The following PPP2R2D variants were observed in gnomAD, a reference collection of about 807,000 sequenced individuals.
PPP2R2D encodes the protein serine/threonine-protein phosphatase 2A 55 kDa regulatory subunit B delta isoform.
A neutral mutation model predicts 31.1 loss-of-function variants in PPP2R2D; 9 were observed. The observed-to-expected ratio is 0.29, with a 90% CI of 0.17 to 0.51. The LOEUF is 0.51. Ranked by LOEUF, PPP2R2D falls within the 20% of genes least tolerant of loss-of-function variation. The probability of loss-of-function intolerance (pLI) is 0.98; values close to 1 mark genes in which losing one functional copy is unlikely to be tolerated. For missense variants in PPP2R2D, 391 were observed against 465.6 expected, an observed-to-expected ratio of 0.84 and a Z score of 1.48; for synonymous variants, 179 against 172.6, an observed-to-expected ratio of 1.04 and a Z score of -0.29.
At chr10:131,951,187 G>T (rs1475836489) in intron 8 of PPP2R2D, among the ~76,000 whole-genome samples, 7 of 152,272 alleles carry the variant, frequency 4.6e-5, no homozygotes, top group African/African-American at 4.8e-5. Flanking sequence ...GGGGGAGAGG[G>T]TGGAGACCAG....
intron 8 of PPP2R2D, among the ~76,000 whole-genome samples, chr10:131,954,649 C>T (rs1378126724): frequency 6.6e-6 from 1 of 150,506 alleles, no homozygotes; most frequent in Admixed American, 6.6e-5. Flanking sequence ...TTTTTTTTCC[C>T]CTGCTTTGAA....
intron 2 of PPP2R2D, among the ~76,000 whole-genome samples, chr10:131,921,946 A>C (rs939318736): frequency 6.6e-6 from 1 of 152,228 alleles, no homozygotes; most frequent in Non-Finnish European, 1.5e-5. Flanking sequence ...TAATATATTC[A>C]GTCAGACAGC....
At chr10:131,970,682 G>T in the PPP2R2D span, 1 of 1,614,172 alleles carries the variant, frequency 6.2e-7, no homozygotes, top group Non-Finnish European at 8.5e-7. The surrounding 1 kb of genome is among the most constrained non-coding windows in gnomAD (Gnocchi z 4.1). Context: ...GAGATGGAAG[G>T]AAAACTTTCA....
At position 131,901,020 on chromosome 10, in the gene PPP2R2D, C is replaced by CCGGCGGCGGCGGCGGCGGCGG. The variant is rs1229531944; in HGVS notation, c.-123_-103dup. Reference sequence around the variant, plus strand: ...TTTGAAAAGGGAAAAAAATCCCTCCCCGGCGGCGGCGGCGGCGGCGGCGGC... The same window carrying CCGGCGGCGGCGGCGGCGGCGG: ...TTTGAAAAGGGAAAAAAATCCCTCCCCGGCGGCGGCGGCGGCGGCGGCGGCGGCGGCGGCGGCGGCGGCGGC... On this transcript the variant is annotated 5_prime_UTR_variant, in exon 1 of 9. Coordinates refer to ENST00000455566, the MANE Select transcript of PPP2R2D (RefSeq NM_018461.5). 2.9e-3 allele frequency: 444 copies of CCGGCGGCGGCGGCGGCGGCGG among 154,104 alleles called. 3 individuals carry two copies. Among genetic ancestry groups the CCGGCGGCGGCGGCGGCGGCGG allele is most frequent in the East Asian group, 0.018 (90 of 4,946 alleles). 9.5% of individuals were successfully genotyped at this position (154,104 alleles called of 1,614,324 possible). A position where few individuals can be genotyped will look rare whatever the true frequency, so the allele number is the denominator to read the frequency against.
intron 2 of PPP2R2D, among the ~76,000 whole-genome samples, chr10:131,917,782 G>T (rs576861368): frequency 7.6e-6 from 1 of 130,824 alleles, no homozygotes; most frequent in East Asian, 3.0e-4. Flanking sequence ...ATGACACAGT[G>T]TAGGGACCTC....
chr10:131,913,201 T>G (rs2035712934), intron 2 of PPP2R2D, among the ~76,000 whole-genome samples: 1 of 151,030 alleles, frequency 6.6e-6, no homozygotes, highest in African/African-American at 2.4e-5. Flanking sequence ...TTTTTTTTTT[T>G]TGTATTTTTA....
chr10:131,943,257 T>C (rs1281689707), intron 5 of PPP2R2D, among the ~76,000 whole-genome samples: 1 of 152,134 alleles, frequency 6.6e-6, no homozygotes, highest in East Asian at 1.9e-4. Flanking sequence ...TGGGCTTCCC[T>C]AGGAAGCCTC....
In PPP2R2D at chr10:131,947,390, T is replaced by C; in HGVS notation, c.821-140T>C. 2.4e-6 allele frequency: 2 copies of C among 839,952 alleles called. No individual in the cohort carries two copies. The allele number at this position is 839,952 out of a possible 1,614,324, so 52.0% of individuals were successfully genotyped here. A position where few individuals can be genotyped will look rare whatever the true frequency, so the allele number is the denominator to read the frequency against. On this transcript the variant is annotated intron_variant, in intron 7 of 8. Coordinates refer to ENST00000455566, the MANE Select transcript of PPP2R2D (RefSeq NM_018461.5). The surrounding 1 kb of genome is among the most constrained non-coding windows in gnomAD (Gnocchi z 4.3). ...ACAGAAGATCAGAAAACCTAGAGAA[T>C]CAGAAAGATCAGAAGACCTAGTGTT...
At chr10:131,951,563 C>T (rs782334098) in intron 8 of PPP2R2D, among the ~76,000 whole-genome samples, 6 of 152,206 alleles carry the variant, frequency 3.9e-5, no homozygotes, top group Non-Finnish European at 8.8e-5. Context: ...TGGCTCACAC[C>T]TGTAATCCCA....
chr10:131,951,478 G>A (rs1457129859), intron 8 of PPP2R2D, among the ~76,000 whole-genome samples: 1 of 152,228 alleles, frequency 6.6e-6, no homozygotes, highest in African/African-American at 2.4e-5. Flanking sequence ...TGCGTACGGT[G>A]CAATGACATA....
intron 6 of PPP2R2D, 131 bp downstream of exon 6, chr10:131,944,276 A>T (rs1343256927): frequency 2.8e-6 from 2 of 711,470 alleles, no homozygotes; most frequent in Non-Finnish European, 4.5e-6. Flanking sequence ...GCAGCCTGTG[A>T]TGTAAGTTCT....
intron 2 of PPP2R2D, among the ~76,000 whole-genome samples, chr10:131,911,053 C>T (rs1462724925): frequency 6.6e-6 from 1 of 152,208 alleles, no homozygotes; most frequent in Non-Finnish European, 1.5e-5. Context: ...AAGTGTTTCC[C>T]TGAGATCTGC....
chr10:131,938,869 G>A (rs996771063), intron 3 of PPP2R2D, among the ~76,000 whole-genome samples: 5 of 152,188 alleles, frequency 3.3e-5, no homozygotes, highest in Admixed American at 6.5e-5. Context: ...GCTGTGTCAC[G>A]CTCCTCAGGC....
At chr10:131,927,717 G>A (rs1227108015) in intron 2 of PPP2R2D, among the ~76,000 whole-genome samples, 1 of 152,168 alleles carries the variant, frequency 6.6e-6, no homozygotes, top group Non-Finnish European at 1.5e-5. Flanking sequence ...TGGTATAAGT[G>A]GAATTGCACC....
intron 8 of PPP2R2D, among the ~76,000 whole-genome samples, chr10:131,953,951 A>C (rs9314879): frequency 0.69 from 105,221 of 152,064 alleles, 37,081 homozygotes; most frequent in African/African-American, 0.84. Context: ...AAAACACGCC[A>C]GTCTTCCTAC....
At chr10:131,934,121 T>A (rs566589625) in intron 2 of PPP2R2D, among the ~76,000 whole-genome samples, 4 of 152,300 alleles carry the variant, frequency 2.6e-5, no homozygotes, top group Admixed American at 2.6e-4. Context: ...AGGACCCATT[T>A]TTTTCCTCTA....
At chr10:131,962,487 T>C (rs2036938591), downstream of PPP2R2D, among the ~76,000 whole-genome samples, 1 of 152,242 alleles carries the variant, frequency 6.6e-6, no homozygotes, top group Non-Finnish European at 1.5e-5. Flanking sequence ...CTGATAGTAA[T>C]AGTTTTCGAT....
chr10:131,944,892 A>G (rs1208395135), intron 6 of PPP2R2D, among the ~76,000 whole-genome samples: 1 of 152,124 alleles, frequency 6.6e-6, no homozygotes, highest in African/African-American at 2.4e-5. Context: ...GAAGAGCAGC[A>G]TCTTTTGGAA....
chr10:131,926,098 T>C (rs529477003), intron 2 of PPP2R2D, among the ~76,000 whole-genome samples: 1 of 152,344 alleles, frequency 6.6e-6, no homozygotes, highest in African/African-American at 2.4e-5. Flanking sequence ...CCTTTCCCTG[T>C]TTGCCTGTGT....
Sources: gnomAD v4.1 joint callset for allele counts (sites outside exome capture counted in the v4.1 genomes callset) on GRCh38, gnomAD v4.1.1 for gene constraint, Gnocchi (gnomAD v3.1) non-coding constraint, MANE v1.5 for transcripts, NCBI Gene and HGNC (gene_info 2026-07-23, HGNC 2026-07-21) for gene names.